ANKS1B: variants seen among roughly 807,000 people sequenced by gnomAD.
ANKS1B encodes the protein ankyrin repeat and sterile alpha motif domain-containing protein 1B.
A neutral mutation model predicts 148.3 loss-of-function variants in ANKS1B; 36 were observed. That is an observed-to-expected ratio of 0.24 (90% CI 0.19 to 0.32). The LOEUF (loss-of-function observed/expected upper bound fraction) is 0.32. Among genes scored for constraint, ANKS1B ranks in the 10% least tolerant of loss-of-function variants. ANKS1B has a pLI of 1.00. For missense variants in ANKS1B, 1,157 were observed against 1,542.6 expected (o/e 0.75, Z 4.19); for synonymous variants, 542 against 560.8 (o/e 0.97, Z 0.47).
chr12:99,039,656 C>T (rs1235043347), intron 17 of ANKS1B, among the ~76,000 whole-genome samples: 3 of 152,292 alleles, frequency 2.0e-5, no homozygotes, highest in East Asian at 1.9e-4. Context: ...TTCCCTCTGG[C>T]GCTCCTCTGC....
chr12:99,445,787 A>T, intron 10 of ANKS1B, among the ~76,000 whole-genome samples: 1 of 151,906 alleles, frequency 6.6e-6, no homozygotes, highest in Admixed American at 6.6e-5. Flanking sequence ...AGTAGCATGA[A>T]CACAGCTCAC....
At chr12:99,488,745 T>C (rs1226861482) in intron 10 of ANKS1B, among the ~76,000 whole-genome samples, 2 of 152,190 alleles carry the variant, frequency 1.3e-5, no homozygotes, top group Non-Finnish European at 2.9e-5. Flanking sequence ...CCACTTTCTA[T>C]TTTGTGCTTC....
intron 17 of ANKS1B, among the ~76,000 whole-genome samples, chr12:99,017,433 T>C (rs547601426): frequency 2.4e-4 from 37 of 152,272 alleles, no homozygotes; most frequent in African/African-American, 8.2e-4. Flanking sequence ...ACAAGATTTG[T>C]GACCTTCCCA....
chr12:98,877,764 T>A (rs1035960431), intron 17 of ANKS1B, among the ~76,000 whole-genome samples: 1 of 152,240 alleles, frequency 6.6e-6, no homozygotes, highest in Non-Finnish European at 1.5e-5. Context: ...ATCTAGCAAC[T>A]GTCATACTTG....
chr12:98,972,425 A>G (rs73384604), intron 17 of ANKS1B, among the ~76,000 whole-genome samples: 5,340 of 152,204 alleles, frequency 0.035, 241 homozygotes, highest in African/African-American at 0.1. Flanking sequence ...AGGCCTATAC[A>G]TTATCTCGTT....
At chr12:98,956,386 T>G (rs1381491828) in intron 17 of ANKS1B, 2 of 152,198 alleles carry the variant, frequency 1.3e-5, no homozygotes, top group Non-Finnish European at 2.9e-5. Context: ...ATCCTTCACA[T>G]AGCTCCCAGA....
chr12:99,804,996 T>A (rs11110050), intron 4 of ANKS1B, among the ~76,000 whole-genome samples: 13,379 of 152,044 alleles, frequency 0.088, 679 homozygotes, highest in Admixed American at 0.14. Context: ...ATAACTGATT[T>A]GCAGTTGATT....
At chr12:99,470,187 A>G (rs939688818) in intron 10 of ANKS1B, among the ~76,000 whole-genome samples, 1 of 152,020 alleles carries the variant, frequency 6.6e-6, no homozygotes, top group African/African-American at 2.4e-5. Flanking sequence ...CCTAAATTGG[A>G]GACATGCACT....
At chr12:99,050,569 A>G (rs1363535343) in intron 17 of ANKS1B, among the ~76,000 whole-genome samples, 1 of 152,196 alleles carries the variant, frequency 6.6e-6, no homozygotes, top group African/African-American at 2.4e-5. Context: ...TCTAAGAGAC[A>G]GTGACTATGT....
intron 9 of ANKS1B, among the ~76,000 whole-genome samples, chr12:99,600,879 G>T (rs2097794940): frequency 6.6e-6 from 1 of 151,996 alleles, no homozygotes; most frequent in Admixed American, 6.6e-5. Flanking sequence ...ATGTAAATGA[G>T]CTATGTATTG....
At chr12:99,466,580 G>T (rs1381770421) in intron 10 of ANKS1B, among the ~76,000 whole-genome samples, 3 of 150,080 alleles carry the variant, frequency 2.0e-5, no homozygotes, top group Non-Finnish European at 4.4e-5. Flanking sequence ...GAATCAAATA[G>T]ATGCAATAAA....
intron 16 of ANKS1B, chr12:99,083,635 C>T (rs763659144): frequency 2.0e-5 from 3 of 152,156 alleles, no homozygotes; most frequent in Non-Finnish European, 2.9e-5. Context: ...ATGAAATACA[C>T]ATAACATAAA....
At chr12:98,803,052 A>G (rs1336910292) in intron 20 of ANKS1B, among the ~76,000 whole-genome samples, 2 of 152,122 alleles carry the variant, frequency 1.3e-5, no homozygotes, top group Non-Finnish European at 2.9e-5. Flanking sequence ...TGTAAAAGTG[A>G]TAACTGACTG....
intron 17 of ANKS1B, chr12:98,931,781 C>T (rs2099813853): frequency 6.6e-6 from 1 of 152,146 alleles, no homozygotes; most frequent in South Asian, 2.1e-4. Context: ...CCCCCTCGAG[C>T]TTATCCTCCC....
chr12:99,855,725 A>G (rs1185750345), intron 1 of ANKS1B, among the ~76,000 whole-genome samples: 2 of 152,162 alleles, frequency 1.3e-5, no homozygotes, highest in Non-Finnish European at 2.9e-5. Context: ...CTCAAACCAC[A>G]GTGAAATAAA....
chr12:99,827,296 G>C (rs1485407366), intron 1 of ANKS1B, among the ~76,000 whole-genome samples: 2 of 151,172 alleles, frequency 1.3e-5, no homozygotes, highest in Non-Finnish European at 2.9e-5. Flanking sequence ...AAATAAGCCA[G>C]ACACAAAAAG....
At position 99,523,006 on chromosome 12, in the gene ANKS1B, G is replaced by A. The variant is rs147304890; in HGVS notation, c.1273-18365C>T. On this transcript the variant is annotated intron_variant, in intron 9 of 26. Coordinates refer to ENST00000683438, the MANE Select transcript of ANKS1B (RefSeq NM_001352186.2). ...GAACCCAGAGGTAGACACAGTAGTTGCCCAAAAGTACCAATAATGTAGTTT... is the reference window on the plus strand; with the variant it reads ...GAACCCAGAGGTAGACACAGTAGTTACCCAAAAGTACCAATAATGTAGTTT... Among the ~76,000 whole-genome samples the A allele has an allele frequency of 4.5e-3, 692 of 152,300 alleles. 4 individuals carry two copies. Among genetic ancestry groups the A allele is most frequent in the Non-Finnish European group, 5.1e-3 (349 of 68,034 alleles).
intron 10 of ANKS1B, among the ~76,000 whole-genome samples, chr12:99,476,764 G>A (rs1342950705): frequency 2.0e-5 from 3 of 152,142 alleles, no homozygotes; most frequent in African/African-American, 7.2e-5. Context: ...AACCGCAAAT[G>A]TTTATTATCT....
intron 1 of ANKS1B, among the ~76,000 whole-genome samples, chr12:99,916,001 T>C (rs967920228): frequency 3.9e-5 from 6 of 152,086 alleles, no homozygotes; most frequent in African/African-American, 1.2e-4. Context: ...ACCAGCCACA[T>C]TGGATTAGGG....
Sources: gnomAD v4.1 joint callset for allele counts (sites outside exome capture counted in the v4.1 genomes callset) on GRCh38, gnomAD v4.1.1 for gene constraint, MANE v1.5 for transcripts, NCBI Gene and HGNC (gene_info 2026-07-23, HGNC 2026-07-21) for gene names.